The following MACROD2 variants were observed in gnomAD, a reference collection of about 807,000 sequenced individuals.
MACROD2 encodes the protein ADP-ribose glycohydrolase MACROD2.
In MACROD2, 36 loss-of-function variants were observed where a neutral mutation model predicts 70.4. The observed-to-expected ratio is 0.51, with a 90% CI of 0.39 to 0.68. The LOEUF (loss-of-function observed/expected upper bound fraction) is 0.68, where lower values mean the gene tolerates loss of function less well. Ranked by LOEUF, MACROD2 falls within the 30% of genes least tolerant of loss-of-function variation. The pLI, the probability that MACROD2 is intolerant of heterozygous loss-of-function variation, is 0.00. For synonymous variants in MACROD2, 172 were observed against 178.8 expected, an observed-to-expected ratio of 0.96 and a Z score of 0.30; for missense variants, 496 against 538.4, an observed-to-expected ratio of 0.92 and a Z score of 0.78.
intron 3 of MACROD2, among the ~76,000 whole-genome samples, chr20:14,235,362 C>A (rs996363846): frequency 2.6e-4 from 39 of 152,188 alleles, no homozygotes; most frequent in African/African-American, 8.2e-4. Context: ...CACACACATT[C>A]CCATTTTGTA....
At chr20:15,702,899 G>T (rs1183110484) in intron 8 of MACROD2, among the ~76,000 whole-genome samples, 1 of 152,126 alleles carries the variant, frequency 6.6e-6, no homozygotes, top group Non-Finnish European at 1.5e-5. Context: ...ATACTATAAG[G>T]CCACAGTAAC....
At chr20:15,709,555 T>C (rs550404799) in intron 8 of MACROD2, among the ~76,000 whole-genome samples, 3 of 152,080 alleles carry the variant, frequency 2.0e-5, no homozygotes, top group Non-Finnish European at 4.4e-5. Flanking sequence ...TAGTTCCAGC[T>C]ACTCGGGAAG....
At chr20:14,676,890 C>T (rs1170682059) in intron 4 of MACROD2, among the ~76,000 whole-genome samples, 1 of 152,098 alleles carries the variant, frequency 6.6e-6, no homozygotes, top group African/African-American at 2.4e-5. Flanking sequence ...GGGATATCAC[C>T]ACTGATCCCA....
intron 6 of MACROD2, among the ~76,000 whole-genome samples, chr20:15,346,597 G>A (rs2078168912): frequency 6.6e-6 from 1 of 152,172 alleles, no homozygotes; most frequent in Non-Finnish European, 1.5e-5. Flanking sequence ...AGGAATGTGT[G>A]TGCCGGGGGA....
rs538954825 is a variant in MACROD2 at position 14,500,896 on chromosome 20, C to T, written c.301+7388C>T. On this transcript the variant is annotated intron_variant, in intron 4 of 17. Transcript: ENST00000684519. ...TAATTTCATATTCATCTTTATAGCC[C>T]TGGCTTATTCTATCACATATAGTAG... Among the ~76,000 whole-genome samples the T allele has an allele frequency of 2.4e-4, 37 of 152,148 alleles. No homozygotes were observed. In the East Asian group the frequency reaches 6.8e-3, roughly 28 times the overall value.
At chr20:14,515,463 A>ACACACGCGCGCGCGCGCGCG (rs34190778) in intron 4 of MACROD2, among the ~76,000 whole-genome samples, 1 of 138,822 alleles carries the variant, frequency 7.2e-6, no homozygotes, top group African/African-American at 2.9e-5. Context: ...ATACACACAC[A>ACACACGCGCGCGCGCGCGCG]CGCACACACA....
At chr20:14,077,894 C>CTTTTTTTTTTTTT (rs58677755) in intron 2 of MACROD2, among the ~76,000 whole-genome samples, 2 of 120,502 alleles carry the variant, frequency 1.7e-5, no homozygotes, top group Non-Finnish European at 1.8e-5. Context: ...AAAGGTTTTT[C>CTTTTTTTTTTTTT]TTTTTTTTTT....
intron 3 of MACROD2, among the ~76,000 whole-genome samples, chr20:14,245,819 G>A (rs951469253): frequency 6.6e-6 from 1 of 152,130 alleles, no homozygotes; most frequent in Admixed American, 6.5e-5. Flanking sequence ...CCAGAGAGTT[G>A]AAAATTCACA....
intron 5 of MACROD2, among the ~76,000 whole-genome samples, chr20:14,923,379 A>G (rs541162689): frequency 3.9e-5 from 6 of 152,288 alleles, no homozygotes; most frequent in Non-Finnish European, 8.8e-5. Context: ...CCTACTCAGT[A>G]TCTCCACTTG....
At chr20:15,037,590 C>A (rs540400186) in intron 5 of MACROD2, among the ~76,000 whole-genome samples, 1 of 152,050 alleles carries the variant, frequency 6.6e-6, no homozygotes, top group African/African-American at 2.4e-5. Flanking sequence ...AGTCTTAAAG[C>A]GGCTGGAAGA....
chr20:15,147,999 A>C (rs1402170356), intron 5 of MACROD2, among the ~76,000 whole-genome samples: 1 of 152,170 alleles, frequency 6.6e-6, no homozygotes, highest in Non-Finnish European at 1.5e-5. Context: ...GTGTATGTGC[A>C]GGTCACAGGG....
intron 3 of MACROD2, among the ~76,000 whole-genome samples, chr20:14,436,343 C>A (rs951954471): frequency 6.6e-6 from 1 of 152,126 alleles, no homozygotes; most frequent in Non-Finnish European, 1.5e-5. Context: ...AAACAATGTA[C>A]CTTCCATATC....
rs547470842 is a variant in MACROD2 at position 15,490,645 on chromosome 20, G to A, written c.572-9129G>A. ...GGTCATGGGGGCGACGAAGTCCACC[G>A]GAGTCAAAGGAATGAGAAAAAGTTT... On this transcript the variant is annotated intron_variant, in intron 7 of 17. Transcript: ENST00000684519. 7.0e-4 allele frequency among the ~76,000 whole-genome samples: 107 copies of A among 152,218 alleles called. 4 individuals are homozygous for A. In the South Asian group the frequency reaches 0.022, roughly 31 times the overall value.
chr20:16,006,984 T>C (rs146256038), intron 15 of MACROD2, among the ~76,000 whole-genome samples: 1 of 152,308 alleles, frequency 6.6e-6, no homozygotes, highest in African/African-American at 2.4e-5. Context: ...ACTGTACCAT[T>C]AGAGGACACT....
chr20:14,435,397 C>T (rs1324300379), intron 3 of MACROD2, among the ~76,000 whole-genome samples: 3 of 152,140 alleles, frequency 2.0e-5, no homozygotes, highest in Non-Finnish European at 2.9e-5. Context: ...TTCAAGTTTC[C>T]AGGCATTAGG....
chr20:14,939,886 A>G (rs879595474), intron 5 of MACROD2, among the ~76,000 whole-genome samples: 9 of 151,942 alleles, frequency 5.9e-5, no homozygotes, highest in Non-Finnish European at 1.2e-4. Flanking sequence ...GATTACATTC[A>G]TGAATTTTTT....
chr20:15,921,544 A>T (rs2065406616), intron 10 of MACROD2, among the ~76,000 whole-genome samples: 1 of 152,130 alleles, frequency 6.6e-6, no homozygotes, highest in Non-Finnish European at 1.5e-5. Flanking sequence ...ATTTTGCTTC[A>T]CAAGTGCCTT....
At chr20:15,825,196 T>C (rs2063983851) in intron 8 of MACROD2, among the ~76,000 whole-genome samples, 1 of 152,204 alleles carries the variant, frequency 6.6e-6, no homozygotes, top group South Asian at 2.1e-4. Context: ...TCTCTTTCCT[T>C]TTCTCTTAAA....
intron 3 of MACROD2, among the ~76,000 whole-genome samples, chr20:14,135,740 A>G (rs1011944399): frequency 1.3e-5 from 2 of 152,188 alleles, no homozygotes; most frequent in African/African-American, 4.8e-5. Context: ...AAAATTCACT[A>G]TTTGCTCATG....
Sources: gnomAD v4.1 joint callset for allele counts (sites outside exome capture counted in the v4.1 genomes callset) on GRCh38, gnomAD v4.1.1 for gene constraint, MANE v1.5 for transcripts, NCBI Gene and HGNC (gene_info 2026-07-23, HGNC 2026-07-21) for gene names.